AKAP6: variants seen among roughly 807,000 people sequenced by gnomAD.
The protein encoded by AKAP6 is A-kinase anchor protein 6.
AKAP6 carries 58 observed loss-of-function variants against 188.5 expected under a neutral mutation model. That is an observed-to-expected ratio of 0.31 (90% CI 0.25 to 0.38). The LOEUF is 0.38. Ranked by LOEUF, AKAP6 falls within the 10% of genes least tolerant of loss-of-function variation. The pLI is 1.00. For synonymous variants in AKAP6, 989 were observed against 998.6 expected, an observed-to-expected ratio of 0.99 and a Z score of 0.18; for missense variants, 2,710 against 2,740.0, an observed-to-expected ratio of 0.99 and a Z score of 0.24.
intron 11 of AKAP6, among the ~76,000 whole-genome samples, chr14:32,759,092 A>G (rs910318): frequency 0.63 from 95,210 of 152,056 alleles, 32,041 homozygotes; most frequent in East Asian, 0.76. Context: ...CATTATTCCC[A>G]TCTGGGAAAA....
At chr14:32,798,906 A>G (rs1186891374) in intron 12 of AKAP6, among the ~76,000 whole-genome samples, 1 of 152,168 alleles carries the variant, frequency 6.6e-6, no homozygotes, top group African/African-American at 2.4e-5. Context: ...TACCTGCTTC[A>G]TAGGTAATGG....
intron 7 of AKAP6, among the ~76,000 whole-genome samples, chr14:32,658,534 A>G (rs1448819066): frequency 3.9e-5 from 6 of 152,108 alleles, no homozygotes; most frequent in Admixed American, 3.9e-4. Flanking sequence ...TAATTAAAGT[A>G]TGCATGTTAA....
chr14:32,522,301 C>G (rs1297271376), intron 2 of AKAP6, among the ~76,000 whole-genome samples: 4 of 152,176 alleles, frequency 2.6e-5, no homozygotes, highest in Non-Finnish European at 5.9e-5. Context: ...GACTGAAACA[C>G]CAAAAGCAAT....
intron 4 of AKAP6, among the ~76,000 whole-genome samples, chr14:32,565,514 T>G (rs1309935429): frequency 6.6e-6 from 1 of 152,188 alleles, no homozygotes; most frequent in African/African-American, 2.4e-5. Flanking sequence ...CTGCTTTAGT[T>G]TAGCCTTATC....
At chr14:32,795,559 A>G (rs954640584) in intron 12 of AKAP6, among the ~76,000 whole-genome samples, 18 of 152,352 alleles carry the variant, frequency 1.2e-4, no homozygotes, top group African/African-American at 4.3e-4. Flanking sequence ...ATCTCAATAG[A>G]TACAGAAAAA....
chr14:32,582,134 G>A (rs1486357721), intron 5 of AKAP6, among the ~76,000 whole-genome samples: 23 of 151,790 alleles, frequency 1.5e-4, no homozygotes, highest in Non-Finnish European at 2.5e-4. Context: ...GGCTGGTACC[G>A]GTTGTTCCTT....
intron 10 of AKAP6, among the ~76,000 whole-genome samples, chr14:32,735,034 C>G (rs1413306624): frequency 1.3e-5 from 2 of 152,116 alleles, no homozygotes; most frequent in Non-Finnish European, 2.9e-5. Context: ...ATTAGAAAGT[C>G]CAGCATCCAG....
intron 13 of AKAP6, among the ~76,000 whole-genome samples, chr14:32,826,720 G>A (rs2034683170): frequency 6.6e-6 from 1 of 152,186 alleles, no homozygotes; most frequent in Non-Finnish European, 1.5e-5. Context: ...AAATGTAAAT[G>A]ATGAGCAGCT....
chr14:32,647,890 T>A (rs1888049892), intron 7 of AKAP6, among the ~76,000 whole-genome samples: 1 of 152,074 alleles, frequency 6.6e-6, no homozygotes, highest in Admixed American at 6.6e-5. Flanking sequence ...TATCATATGA[T>A]CAGCATGACT....
chr14:32,794,610 G>A (rs771344675), intron 12 of AKAP6, among the ~76,000 whole-genome samples: 2 of 152,110 alleles, frequency 1.3e-5, no homozygotes, highest in Non-Finnish European at 2.9e-5. Context: ...TGAGAACAAA[G>A]TGACAACTTA....
chr14:32,468,635 C>T (rs1957026), intron 2 of AKAP6, among the ~76,000 whole-genome samples: 51,160 of 151,958 alleles, frequency 0.34, 10,230 homozygotes, highest in Non-Finnish European at 0.46. Flanking sequence ...AAGACAAAAG[C>T]GCAAATCAGG....
chr14:32,465,615 G>T (rs1878368466), intron 2 of AKAP6, among the ~76,000 whole-genome samples: 1 of 152,096 alleles, frequency 6.6e-6, no homozygotes, highest in Admixed American at 6.5e-5. Flanking sequence ...ATAAATGTAA[G>T]ACCTAAAACC....
Position 32,822,587 on chromosome 14 carries a change from C to G in AKAP6, c.4774C>G (p.Arg1592Gly). 1 of 1,613,900 alleles carries G rather than the reference C, an allele frequency of 6.2e-7. No homozygotes were observed. Among genetic ancestry groups the G allele is most frequent in the Non-Finnish European group, 8.5e-7 (1 of 1,179,928 alleles). The change falls in exon 13 of 14, where the codon CGA becomes GGA. Residue 1592 changes from arginine to glycine, a missense_variant. By Grantham distance (125) the Arg-to-Gly change is moderately radical. Transcript: ENST00000280979. ...IFKNGSDSLQ[R>G]STSLESWLTS... is the part of the protein sequence containing the mutation. ...TAAAAATGGCAGTGACAGCCTCCAG[C>G]GAAGCACTTCTTTAGAAAGTTGGTT...
In AKAP6 at chr14:32,617,920, C is replaced by G. The variant is rs1476407146; in HGVS notation, c.2730+17128C>G. On this transcript the variant is annotated intron_variant, in intron 7 of 13. Transcript: ENST00000280979. Reference sequence around the variant, plus strand: ...AGGATTACAGGCATGAGCCACCACACCCAGCCCTTCAGGTCATTTTTTTTT... The same window carrying G: ...AGGATTACAGGCATGAGCCACCACAGCCAGCCCTTCAGGTCATTTTTTTTT... Among the ~76,000 whole-genome samples the G allele has an allele frequency of 1.3e-5, 2 of 152,200 alleles. 1 individual carries two copies. The highest frequency in any genetic ancestry group is 2.9e-5 in the Non-Finnish European group (2 of 68,044).
rs1278789023 is a variant in AKAP6, at chr14:32,733,945, TAAC to T, written c.3147+1348_3147+1350del. On this transcript the variant is annotated intron_variant, in intron 10 of 13. Transcript: ENST00000280979. ...ATATATCCATTGGTAATTTGATAAA[TAAC>T]AATAATATTTTTAGAAAATTGTTTA... The T allele has an allele frequency of 5.3e-5, 8 of 152,250 alleles. No individual in the cohort carries two copies. In the East Asian group the frequency reaches 7.7e-4, roughly 15 times the overall value. The allele number at this position is 152,250 out of a possible 1,614,324, so 9.4% of individuals were successfully genotyped here. A position where few individuals can be genotyped will look rare whatever the true frequency, so the allele number is the denominator to read the frequency against.
chr14:32,353,478 G>A (rs533974491), intron 1 of AKAP6, among the ~76,000 whole-genome samples: 6 of 152,224 alleles, frequency 3.9e-5, no homozygotes, highest in Admixed American at 6.5e-5. Flanking sequence ...GGAGAATGGC[G>A]TCAACCCGGG....
chr14:32,357,768 C>T (rs763786118), intron 1 of AKAP6, among the ~76,000 whole-genome samples: 1 of 152,240 alleles, frequency 6.6e-6, no homozygotes, highest in Non-Finnish European at 1.5e-5. Flanking sequence ...CAACTGCCAT[C>T]TTCTGGAAAG....
At chr14:32,788,807 G>A (rs758639164) in intron 12 of AKAP6, among the ~76,000 whole-genome samples, 8 of 152,154 alleles carry the variant, frequency 5.3e-5, no homozygotes, top group Middle Eastern at 3.2e-3. Flanking sequence ...CTGGCAAGGC[G>A]GGAAATCCAT....
chr14:32,765,015 A>G (rs546930605), intron 11 of AKAP6, among the ~76,000 whole-genome samples: 27 of 150,264 alleles, frequency 1.8e-4, no homozygotes, highest in African/African-American at 6.6e-4. Context: ...GCTCACTGCA[A>G]CCTCTGCCTC....
Sources: allele counts gnomAD v4.1 joint callset (sites outside exome capture counted in the v4.1 genomes callset), GRCh38; gene constraint gnomAD v4.1.1; transcripts MANE v1.5; gene names NCBI Gene and HGNC (gene_info 2026-07-23, HGNC 2026-07-21).